Variants in SLC38A11 observed in about 807,000 individuals in gnomAD.
The protein encoded by SLC38A11 is solute carrier family 38 member 11, also known as putative sodium-coupled neutral amino acid transporter 11.
SLC38A11 carries 51 observed loss-of-function variants against 49.4 expected under a neutral mutation model. That is an observed-to-expected ratio of 1.03 (90% CI 0.83 to 1.30). The LOEUF (loss-of-function observed/expected upper bound fraction) is 1.30, where lower values mean the gene tolerates loss of function less well. SLC38A11 is among the 50% of genes most tolerant of loss of function. SLC38A11 has a pLI of 0.00. For synonymous variants in SLC38A11, 203 were observed against 192.9 expected (o/e 1.05, Z -0.43); for missense variants, 574 against 556.2 (o/e 1.03, Z -0.32).
At chr2:164,943,670 T>A (rs2105507997) in intron 5 of SLC38A11, among the ~76,000 whole-genome samples, 1 of 152,230 alleles carries the variant, frequency 6.6e-6, no homozygotes, top group Admixed American at 6.5e-5. Context: ...ATTTTTATTA[T>A]TTTTAGAGAC....
In SLC38A11 at chr2:164,895,281, A is replaced by G. The variant is rs1684362693; in HGVS notation, c.*3156T>C. Among the ~76,000 whole-genome samples, 1 of 152,192 alleles carries G rather than the reference A, an allele frequency of 6.6e-6. No individual in the cohort carries two copies. The highest frequency in any genetic ancestry group is 2.4e-5 in the African/African-American group (1 of 41,450). On this transcript the variant is annotated 3_prime_UTR_variant, in exon 12 of 12. Transcript: ENST00000685975. ...TTTACACATTTTTTAGAATAAGCAT[A>G]CATTCTTAAAAGCGCTTATTCTATT...
chr2:164,939,557 C>T lies in SLC38A11; in HGVS notation c.431-1G>A. 1 of 1,587,258 alleles carries T rather than the reference C, an allele frequency of 6.3e-7. No individual in the cohort carries two copies. The highest frequency in any genetic ancestry group is 8.6e-7 in the Non-Finnish European group (1 of 1,158,202). ...CCAATAAACACGTTTTCAGGATCAA[C>T]TAAAACACAATAAATATTATTAAAT... On this transcript the variant is annotated splice_acceptor_variant, in intron 5 of 11. Transcript: ENST00000685975. LOFTEE classifies it high-confidence loss of function.
At chr2:164,917,565 GA>G (rs1422101570) in intron 7 of SLC38A11, among the ~76,000 whole-genome samples, 3 of 152,162 alleles carry the variant, frequency 2.0e-5, no homozygotes, top group East Asian at 1.9e-4. Flanking sequence ...TGTTAATGTG[GA>G]AAAAATACAT....
intron 3 of SLC38A11, among the ~76,000 whole-genome samples, chr2:164,946,695 G>A (rs1281789660): frequency 6.6e-6 from 1 of 152,062 alleles, no homozygotes; most frequent in Admixed American, 6.5e-5. Context: ...GGTTTTTACG[G>A]AAAGACACTG....
chr2:164,936,591 C>T (rs1392262743), intron 7 of SLC38A11, among the ~76,000 whole-genome samples: 2 of 151,986 alleles, frequency 1.3e-5, no homozygotes, highest in Admixed American at 1.3e-4. Flanking sequence ...TTTATTTATT[C>T]AACTAATATT....
At chr2:164,952,989 G>C (rs1444053031) in intron 2 of SLC38A11, 1 of 481,008 alleles carries the variant, frequency 2.1e-6, no homozygotes, top group East Asian at 3.9e-5. Context: ...TTAGGGACAA[G>C]TTAAGAGAGC....
rs1684453640 is a variant in SLC38A11, at chr2:164,898,600, A to G, written c.1226T>C (p.Met409Thr). ...AATAGCCATGACGAATCCAAAAACC[A>G]TCACCACAGCACCAATGGGAAGCAT... is the stretch of plus-strand genomic sequence containing the variant. The part of the protein sequence containing the change: ...CVMLPIGAVV[M>T]VFGFVMAITN... The change falls in exon 12 of 12, where the codon ATG becomes ACG. Residue 409 changes from methionine (M) to threonine (T), a missense_variant. By Grantham distance (81) the Met-to-Thr change is moderately conservative. Transcript: ENST00000685975. The G allele has an allele frequency of 6.2e-6, 10 of 1,613,632 alleles. No individual in the cohort carries two copies. The East Asian group carries it at 2.0e-4, about 32-fold the overall frequency.
At chr2:164,921,758 TG>T (rs1375541348) in intron 7 of SLC38A11, among the ~76,000 whole-genome samples, 2 of 152,212 alleles carry the variant, frequency 1.3e-5, no homozygotes, top group African/African-American at 2.4e-5. Flanking sequence ...TAATGGTTAC[TG>T]TAAAATTTAG....
At chr2:164,939,649 T>A (rs1687614167) in intron 5 of SLC38A11, 93 bp from the exon 6 acceptor site, 1 of 662,018 alleles carries the variant, frequency 1.5e-6, no homozygotes, top group Non-Finnish European at 2.5e-6. Flanking sequence ...AAAAATTACT[T>A]AAACATAAAT....
At chr2:164,901,197 C>T (rs1268132000) in intron 11 of SLC38A11, among the ~76,000 whole-genome samples, 1 of 152,088 alleles carries the variant, frequency 6.6e-6, no homozygotes, top group Non-Finnish European at 1.5e-5. Flanking sequence ...GTTTTGATTA[C>T]TGCAGCTTTG....
chr2:164,898,878 G>T, intron 11 of SLC38A11, 148 bp from the exon 12 acceptor site: 1 of 686,072 alleles, frequency 1.5e-6, no homozygotes, highest in Non-Finnish European at 2.3e-6. Context: ...AGGAAAAATA[G>T]TTCTAAGAAA....
chr2:164,921,661 C>A (rs1016809598), intron 7 of SLC38A11, among the ~76,000 whole-genome samples: 1 of 151,936 alleles, frequency 6.6e-6, no homozygotes, highest in Non-Finnish European at 1.5e-5. Flanking sequence ...AAAATAAACA[C>A]GTTGAATAAA....
chr2:164,899,865 A>G (rs1431476679), intron 11 of SLC38A11, among the ~76,000 whole-genome samples: 1 of 152,038 alleles, frequency 6.6e-6, no homozygotes, highest in Non-Finnish European at 1.5e-5. Context: ...TACAGCCCTC[A>G]TATTGTACAT....
Position 164,894,550 on chromosome 2 carries a change from T to A in SLC38A11, c.*3887A>T, listed in dbSNP as rs1043936319. Among the ~76,000 whole-genome samples, 1 of 152,176 alleles carries A rather than the reference T, an allele frequency of 6.6e-6. No individual in the cohort carries two copies. Among genetic ancestry groups the A allele is most frequent in the African/African-American group, 2.4e-5 (1 of 41,436 alleles). On this transcript the variant is annotated 3_prime_UTR_variant, in exon 12 of 12. Coordinates refer to ENST00000685975, the MANE Select transcript of SLC38A11 (RefSeq NM_001351537.2). ...TAGTCCTTGGAAAACTTGGTGTTCT[T>A]TTGAGAAACTGATATATTTTCTTCA...
chr2:164,947,115 CTCTTTTTTTTTT>C (rs1688167816), intron 3 of SLC38A11, among the ~76,000 whole-genome samples: 1 of 63,078 alleles, frequency 1.6e-5, no homozygotes, highest in Non-Finnish European at 2.9e-5. Flanking sequence ...ACTTTTTTAT[CTCTTTTTTTTTT>C]TTTTTTTTTT....
Position 164,896,633 on chromosome 2 carries a change from T to C in SLC38A11, c.*1804A>G, listed in dbSNP as rs1559079168. On this transcript the variant is annotated 3_prime_UTR_variant, in exon 12 of 12. Transcript: ENST00000685975. Reference sequence around the variant, plus strand: ...AATCTAAAAACAGGCACAAACTGCTTAGCCTATGACCCTTAACTATAAAAA... The same window carrying C: ...AATCTAAAAACAGGCACAAACTGCTCAGCCTATGACCCTTAACTATAAAAA... 6.6e-6 allele frequency: 1 copy of C among 152,176 alleles called. No homozygotes were observed. The highest frequency in any genetic ancestry group is 1.5e-5 in the Non-Finnish European group (1 of 68,028). The allele number at this position is 152,176 out of a possible 1,614,324, so 9.4% of individuals were successfully genotyped here.
intron 3 of SLC38A11, among the ~76,000 whole-genome samples, chr2:164,947,725 T>C (rs1450628966): frequency 2.0e-5 from 3 of 152,230 alleles, no homozygotes; most frequent in Non-Finnish European, 4.4e-5. Context: ...TCCCCAGACT[T>C]ATCTTATTAA....
At chr2:164,942,633 T>G (rs912980956) in intron 5 of SLC38A11, among the ~76,000 whole-genome samples, 1 of 152,174 alleles carries the variant, frequency 6.6e-6, no homozygotes, top group Non-Finnish European at 1.5e-5. Context: ...TTTACATAAT[T>G]TAGATTATAT....
intron 3 of SLC38A11, 116 bp from the exon 4 acceptor site, chr2:164,945,843 C>T: frequency 1.7e-6 from 2 of 1,147,542 alleles, no homozygotes; most frequent in South Asian, 1.4e-5. Context: ...TAATTTAATG[C>T]TGCAGTATTA....
Sources: allele counts gnomAD v4.1 joint callset (sites outside exome capture counted in the v4.1 genomes callset), GRCh38; gene constraint gnomAD v4.1.1; transcripts MANE v1.5; gene names NCBI Gene and HGNC (gene_info 2026-07-23, HGNC 2026-07-21).